Variants in POLR3G observed in about 807,000 individuals in gnomAD.
POLR3G encodes the protein RNA polymerase III subunit G, also known as DNA-directed RNA polymerase III subunit RPC7.
POLR3G carries 28 observed loss-of-function variants against 30.1 expected under a neutral mutation model. That is an observed-to-expected ratio of 0.93 (90% CI 0.69 to 1.27). The LOEUF (loss-of-function observed/expected upper bound fraction) is 1.27, where lower values mean the gene tolerates loss of function less well. Ranked by LOEUF, POLR3G falls within the 50% of genes most tolerant of loss-of-function variation. The pLI is 0.00. For missense variants in POLR3G, 254 were observed against 264.6 expected (o/e 0.96, Z 0.28); for synonymous variants, 79 against 82.5 (o/e 0.96, Z 0.23).
At chr5:90,506,014 C>G (rs1312880230) in intron 6 of POLR3G, among the ~76,000 whole-genome samples, 1 of 152,064 alleles carries the variant, frequency 6.6e-6, no homozygotes, top group Admixed American at 6.6e-5. Context: ...GTGGGCAGAT[C>G]TCTTGAGACC....
At chr5:90,478,337 G>C (rs1001489640) in intron 1 of POLR3G, among the ~76,000 whole-genome samples, 3 of 152,028 alleles carry the variant, frequency 2.0e-5, no homozygotes, top group African/African-American at 7.2e-5. Context: ...AATTGAGTCT[G>C]TTTTGCAGTT....
At chr5:90,487,912 A>G in intron 2 of POLR3G, 88 bp from the exon 3 acceptor site, 1 of 1,090,600 alleles carries the variant, frequency 9.2e-7, no homozygotes, top group Non-Finnish European at 1.2e-6. Context: ...GTATTTCAAT[A>G]AAACTGCTGT....
At chr5:90,504,425 G>A (rs1752393811) in intron 6 of POLR3G, among the ~76,000 whole-genome samples, 1 of 152,034 alleles carries the variant, frequency 6.6e-6, no homozygotes, top group Non-Finnish European at 1.5e-5. Flanking sequence ...AGCTGGGCGT[G>A]GTAGCAGGCG....
At chr5:90,474,765 G>T (rs1045397819), upstream of POLR3G, 2 of 184,286 alleles carry the variant, frequency 1.1e-5, no homozygotes, top group Non-Finnish European at 2.2e-5. Context: ...GGCCTCGCGG[G>T]TTGTACGGCG....
rs540238766 is a variant in POLR3G, at chr5:90,485,667, C to T, written c.100C>T (p.Pro34Ser). The T allele has an allele frequency of 6.2e-7, 1 of 1,611,876 alleles. No individual in the cohort carries two copies. Among genetic ancestry groups the T allele is most frequent in the East Asian group, 2.2e-5 (1 of 44,822 alleles). ...GEKLPDVVLKPPPLFPDTDYK... is the reference protein window; with the variant it reads ...GEKLPDVVLKSPPLFPDTDYK... ...AAAGTTACCTGATGTAGTGTTGAAA[C>T]CACCCCCACTATTTCCTGTAAGTAT... The change falls in exon 2 of 8, where the codon CCA (proline) becomes TCA (serine). Residue 34 changes from proline (P) to serine (S), a missense_variant. Coordinates refer to ENST00000651687, the MANE Select transcript of POLR3G (RefSeq NM_006467.3).
At chr5:90,504,893 A>G (rs1305273309) in intron 6 of POLR3G, among the ~76,000 whole-genome samples, 2 of 152,220 alleles carry the variant, frequency 1.3e-5, no homozygotes, top group Admixed American at 1.3e-4. Context: ...TGCACACATC[A>G]TATTGTAGTA....
Position 90,490,649 on chromosome 5 carries a change from T to C in POLR3G, c.247+2520T>C, listed in dbSNP as rs559355427. 459 of 397,432 alleles carry C rather than the reference T, an allele frequency of 1.2e-3. 1 individual carries two copies. Among genetic ancestry groups the C allele is most frequent in the South Asian group, 2.0e-3 (114 of 56,560 alleles). 24.6% of individuals were successfully genotyped at this position (397,432 alleles called of 1,614,324 possible). ...GTCTCACATTCCTGGCTTCAAGTGA[T>C]CCTCCCATCTCGGCCTTCCAAAGTG... On this transcript the variant is annotated intron_variant, in intron 3 of 7. Transcript: ENST00000651687.
intron 1 of POLR3G, among the ~76,000 whole-genome samples, chr5:90,476,727 C>G (rs1181864573): frequency 6.6e-6 from 1 of 152,182 alleles, no homozygotes; most frequent in Non-Finnish European, 1.5e-5. Flanking sequence ...ACTTCCAGGT[C>G]CCCCTGCCTG....
At chr5:90,486,367 G>A (rs1161513356) in intron 2 of POLR3G, among the ~76,000 whole-genome samples, 1 of 152,166 alleles carries the variant, frequency 6.6e-6, no homozygotes, top group African/African-American at 2.4e-5. Context: ...TTAAAAACAA[G>A]CTCTTTTCCA....
intron 4 of POLR3G, 59 bp downstream of exon 4, chr5:90,495,792 G>GTTT: frequency 1.6e-6 from 2 of 1,269,624 alleles, no homozygotes; most frequent in Admixed American, 2.9e-5. Flanking sequence ...CTCACCTCAT[G>GTTT]TTTTTTTTTT....
chr5:90,474,902 C>G lies in POLR3G; in HGVS notation c.-162C>G, dbSNP rs1750709635. The G allele has an allele frequency of 6.6e-6, 1 of 152,564 alleles. No homozygotes were observed. The highest frequency in any genetic ancestry group is 6.5e-5 in the Admixed American group (1 of 15,294). The allele number at this position is 152,564 out of a possible 1,614,324, so 9.5% of individuals were successfully genotyped here. A position where few individuals can be genotyped will look rare whatever the true frequency, so the allele number is the denominator to read the frequency against. ...GGTGCCGCGTGCAGGTCGGTGCGCG[C>G]TTCTCCCGAGGTGGAACGGGCGGCA... On this transcript the variant is annotated 5_prime_UTR_variant, in exon 1 of 8. Transcript: ENST00000651687.
rs369088844 is a variant in POLR3G at position 90,514,481 on chromosome 5, G to C, written c.*2342G>C. On this transcript the variant is annotated 3_prime_UTR_variant, in exon 8 of 8. Coordinates refer to ENST00000651687, the MANE Select transcript of POLR3G (RefSeq NM_006467.3). The stretch of plus-strand genomic sequence containing the variant: ...TAGAGAAAACTAATTTGTTAATATA[G>C]ATCTTAACTAGTAACTATTAAGCAG... 13 of 152,130 alleles carry C rather than the reference G, an allele frequency of 8.5e-5. No homozygotes were observed. In the East Asian group the frequency reaches 2.3e-3, roughly 27 times the overall value. 9.4% of individuals were successfully genotyped at this position (152,130 alleles called of 1,614,324 possible).
intron 3 of POLR3G, among the ~76,000 whole-genome samples, chr5:90,488,824 A>G (rs1405520106): frequency 6.6e-6 from 1 of 152,176 alleles, no homozygotes; most frequent in Non-Finnish European, 1.5e-5. Context: ...TGCTTAGGGA[A>G]GAAAGGAAAC....
intron 1 of POLR3G, among the ~76,000 whole-genome samples, chr5:90,476,324 A>G (rs981580679): frequency 1.3e-5 from 2 of 152,200 alleles, no homozygotes; most frequent in Non-Finnish European, 2.9e-5. Flanking sequence ...AGAGTTGTGT[A>G]AAAAGGTCAT....
chr5:90,475,711 TTTTG>T (rs1283227313), intron 1 of POLR3G, among the ~76,000 whole-genome samples: 4 of 151,990 alleles, frequency 2.6e-5, no homozygotes, highest in African/African-American at 7.3e-5. Flanking sequence ...TATTTAGGGT[TTTTG>T]TTTGTTTGTT....
chr5:90,482,666 C>G (rs908694857), intron 1 of POLR3G, among the ~76,000 whole-genome samples: 1 of 152,154 alleles, frequency 6.6e-6, no homozygotes, highest in Non-Finnish European at 1.5e-5. Context: ...GCAGACCCTG[C>G]ACTTGATGGA....
chr5:90,474,106 A>G (rs772280065), upstream of POLR3G: 47 of 1,577,486 alleles, frequency 3.0e-5, no homozygotes, highest in Non-Finnish European at 3.8e-5. Context: ...CGGTCCTGCA[A>G]GAGGCCGGAG....
Position 90,484,953 on chromosome 5 carries a change from A to G in POLR3G, c.-43-572A>G, listed in dbSNP as rs1751359856. ...ATATGTGATATCACTCCTGTCTCCA[A>G]AATTGAAGAGTACAGGTTTATCATA... On this transcript the variant is annotated intron_variant, in intron 1 of 7. Coordinates refer to ENST00000651687, the MANE Select transcript of POLR3G (RefSeq NM_006467.3). Among the ~76,000 whole-genome samples the G allele has an allele frequency of 2.6e-5, 4 of 152,136 alleles. No homozygotes were observed. In the South Asian group the frequency reaches 8.3e-4, roughly 32 times the overall value.
Position 90,488,124 on chromosome 5 carries a change from G to T in POLR3G, c.242G>T (p.Arg81Ile). Residue 81 changes from arginine (R) to isoleucine (I), a missense_variant, in exon 3 of 8, where the codon AGA (arginine) becomes ATA (isoleucine). Physicochemically the swap from Arg to Ile is moderately conservative, Grantham distance 97 (BLOSUM62 -3). Transcript: ENST00000651687. ...MPYFIETPEE[R>I]QDIERYSKRY... ...TATTTTATTGAAACACCTGAAGAAA[G>T]ACAAGGTACTGTATTGGAGTCTTTG... 6.2e-7 allele frequency: 1 copy of T among 1,608,992 alleles called. No homozygotes were observed. The highest frequency in any genetic ancestry group is 1.1e-5 in the South Asian group (1 of 90,002).
Sources: gnomAD v4.1 joint callset for allele counts (sites outside exome capture counted in the v4.1 genomes callset) on GRCh38, gnomAD v4.1.1 for gene constraint, MANE v1.5 for transcripts, NCBI Gene and HGNC (gene_info 2026-07-23, HGNC 2026-07-21) for gene names.